PRDM16: variants seen among roughly 807,000 people sequenced by gnomAD.
PRDM16 encodes PR/SET domain 16.
Under a neutral mutation model 110.6 loss-of-function variants are expected in PRDM16, and 23 were observed. The observed-to-expected ratio is 0.21, with a 90% CI of 0.15 to 0.29. The LOEUF (loss-of-function observed/expected upper bound fraction) is 0.29, where lower values mean the gene tolerates loss of function less well. PRDM16 is among the 10% of genes least tolerant of loss of function. The pLI is 1.00. For synonymous variants in PRDM16, 799 were observed against 781.8 expected (o/e 1.02, Z -0.37); for missense variants, 1,615 against 1,794.3 (o/e 0.90, Z 1.81).
At position 3,090,406 on chromosome 1, in the gene PRDM16, G is replaced by A. The variant is rs538352409; in HGVS notation, c.37+21110G>A. Among the ~76,000 whole-genome samples the A allele has an allele frequency of 3.9e-5, 6 of 152,370 alleles. No individual in the cohort carries two copies. The South Asian group carries it at 1.0e-3, about 26-fold the overall frequency. The stretch of plus-strand genomic sequence containing the variant: ...TGAGGCTGGGTGGGGATTGGTGGCC[G>A]CCGTTCGGCAGGCCTGGTGGAACTC... On this transcript the variant is annotated intron_variant, in intron 1 of 16. Transcript: ENST00000270722.
chr1:3,412,165 G>A lies in PRDM16; in HGVS notation c.1968G>A (p.Pro656=), dbSNP rs939149105. The A allele has an allele frequency of 9.5e-6, 15 of 1,571,418 alleles. No homozygotes were observed. The South Asian group carries it at 1.3e-4, about 14-fold the overall frequency. ...QPKFGGGLAP[P]GAPNSVAEVP... is the part of the protein sequence containing the mutation. ...AGTTTGGGGGCGGCTTGGCGCCCCC[G>A]GGGGCCCCGAACAGCGTGGCCGAGG... is the stretch of plus-strand genomic sequence containing the variant. The change falls in exon 9 of 17, where the codon CCG becomes CCA. Residue 656 remains proline, a synonymous_variant. Transcript: ENST00000270722.
chr1:3,284,506 C>A (rs6685398), intron 3 of PRDM16, among the ~76,000 whole-genome samples: 32,710 of 152,166 alleles, frequency 0.21, 7,473 homozygotes, highest in African/African-American at 0.57. Context: ...AAGCAACTGC[C>A]AGGTGGGCTT....
intron 3 of PRDM16, among the ~76,000 whole-genome samples, chr1:3,281,345 G>A (rs1640708092): frequency 6.6e-6 from 1 of 152,194 alleles, no homozygotes; most frequent in Admixed American, 6.5e-5. Flanking sequence ...GGCTGGCACT[G>A]AGACGCCCAC....
At chr1:3,282,956 C>T (rs544923661) in intron 3 of PRDM16, among the ~76,000 whole-genome samples, 3 of 152,358 alleles carry the variant, frequency 2.0e-5, no homozygotes, top group East Asian at 3.9e-4. Flanking sequence ...GTCTCCCTTC[C>T]CTTCCTTCTG....
At chr1:3,280,036 A>G (rs1450962751) in intron 3 of PRDM16, among the ~76,000 whole-genome samples, 1 of 151,106 alleles carries the variant, frequency 6.6e-6, no homozygotes, top group Admixed American at 6.6e-5. Flanking sequence ...CTTTTTTTGT[A>G]AAACAAGCAG....
chr1:3,433,569 C>CCTG (rs1557674989), intron 16 of PRDM16, 108 bp from the exon 17 acceptor site: 4 of 388,918 alleles, frequency 1.0e-5, no homozygotes, highest in African/African-American at 3.5e-5. Flanking sequence ...ACCTGCCTGT[C>CCTG]TGGGATGGCC....
chr1:3,187,811 C>T (rs1482967923), intron 2 of PRDM16, among the ~76,000 whole-genome samples: 1 of 152,164 alleles, frequency 6.6e-6, no homozygotes, highest in South Asian at 2.1e-4. Context: ...TGAGTGTCAG[C>T]TTAAAGCCCC....
At chr1:3,364,397 C>T (rs1003557141) in intron 3 of PRDM16, among the ~76,000 whole-genome samples, 1 of 152,164 alleles carries the variant, frequency 6.6e-6, no homozygotes, top group African/African-American at 2.4e-5. Flanking sequence ...CCAAAAGTGC[C>T]CGACAAGGAG....
intron 1 of PRDM16, among the ~76,000 whole-genome samples, chr1:3,170,969 C>A (rs1394621954): frequency 2.0e-5 from 3 of 152,262 alleles, no homozygotes; most frequent in South Asian, 4.1e-4. Context: ...AGGCTGTCCT[C>A]CCCAGCCCGT....
intron 2 of PRDM16, among the ~76,000 whole-genome samples, chr1:3,195,169 A>G (rs1386942099): frequency 6.6e-6 from 1 of 152,194 alleles, no homozygotes; most frequent in Non-Finnish European, 1.5e-5. Flanking sequence ...CCGTGGGGAC[A>G]GGGATGCAGA....
chr1:3,418,204 TGGGA>T (rs1329385262), intron 11 of PRDM16, among the ~76,000 whole-genome samples: 1 of 152,194 alleles, frequency 6.6e-6, no homozygotes, highest in Non-Finnish European at 1.5e-5. Context: ...GCTGTGCTCT[TGGGA>T]GCTCAAGAAT....
At chr1:3,336,757 CAT>C (rs1282026535) in intron 3 of PRDM16, among the ~76,000 whole-genome samples, 22 of 151,832 alleles carry the variant, frequency 1.4e-4, no homozygotes, top group South Asian at 2.1e-4. Context: ...CCTGCATGCA[CAT>C]GTGTGTTGGT....
rs188629090 is a variant in PRDM16, at chr1:3,390,114, G to A, written c.573+4828G>A. Among the ~76,000 whole-genome samples the A allele has an allele frequency of 2.0e-5, 3 of 152,334 alleles. No individual in the cohort carries two copies. The highest frequency in any genetic ancestry group is 6.5e-5 in the Admixed American group (1 of 15,304). On this transcript the variant is annotated intron_variant, in intron 4 of 16. Coordinates refer to ENST00000270722, the MANE Select transcript of PRDM16 (RefSeq NM_022114.4). The surrounding 1 kb of genome is among the most constrained non-coding windows in gnomAD (Gnocchi z 5.0). ...GGACAGTTCCTGAATTTGTTTTAAC[G>A]TGAAGAAAGAAAACAAGAGCTTGGC...
chr1:3,299,162 A>T (rs1409852298), intron 3 of PRDM16, among the ~76,000 whole-genome samples: 1 of 151,562 alleles, frequency 6.6e-6, no homozygotes, highest in African/African-American at 2.4e-5. Flanking sequence ...CTGGTTGAAG[A>T]TGCTGTGCTG....
chr1:3,298,780 TCGTAGACCAAGGGGC>T (rs897686705), intron 3 of PRDM16, among the ~76,000 whole-genome samples: 5 of 151,882 alleles, frequency 3.3e-5, no homozygotes, highest in Admixed American at 6.6e-5. Flanking sequence ...GCTGTAGGAG[TCGTAGACCAAGGGGC>T]CGTAGACCAA....
intron 1 of PRDM16, among the ~76,000 whole-genome samples, chr1:3,162,525 C>T (rs1462513276): frequency 1.3e-5 from 2 of 152,058 alleles, no homozygotes; most frequent in African/African-American, 4.8e-5. Context: ...CGCAGGCCCA[C>T]GAAGGTCGTC....
chr1:3,337,645 C>T (rs74048267), intron 3 of PRDM16, among the ~76,000 whole-genome samples: 2,875 of 152,180 alleles, frequency 0.019, 95 homozygotes, highest in African/African-American at 0.065. Context: ...ACAGGGGCTG[C>T]GGGCACACAC....
chr1:3,201,001 G>T lies in PRDM16; in HGVS notation c.387+14527G>T, dbSNP rs1638611946. Among the ~76,000 whole-genome samples, 1 of 152,066 alleles carries T rather than the reference G, an allele frequency of 6.6e-6. No homozygotes were observed. Among genetic ancestry groups the T allele is most frequent in the African/African-American group, 2.4e-5 (1 of 41,408 alleles). On this transcript the variant is annotated intron_variant, in intron 2 of 16. Transcript: ENST00000270722. The surrounding 1 kb of genome is among the most constrained non-coding windows in gnomAD (Gnocchi z 4.1). ...GGAAGAGGAGGGGGAGGAAGGGGAAGAGGAGGAGGACAGCTGAGAGCTGTG... is the reference window on the plus strand; with the variant it reads ...GGAAGAGGAGGGGGAGGAAGGGGAATAGGAGGAGGACAGCTGAGAGCTGTG...
intron 1 of PRDM16, among the ~76,000 whole-genome samples, chr1:3,109,771 T>C (rs1024958471): frequency 6.6e-6 from 1 of 152,212 alleles, no homozygotes; most frequent in Non-Finnish European, 1.5e-5. Context: ...AAAGCCAAAT[T>C]TCCCCCCAAA....
Sources: allele counts gnomAD v4.1 joint callset (sites outside exome capture counted in the v4.1 genomes callset), GRCh38; gene constraint gnomAD v4.1.1; non-coding constraint Gnocchi (gnomAD v3.1); transcripts MANE v1.5; gene names NCBI Gene and HGNC (gene_info 2026-07-23, HGNC 2026-07-21).